The following CLMN variants were observed in gnomAD, a reference collection of about 807,000 sequenced individuals.
The protein encoded by CLMN is calmin (calponin-like, transmembrane).
A neutral mutation model predicts 92.7 loss-of-function variants in CLMN; 57 were observed. The ratio of observed to expected loss-of-function variants is 0.61; its 90% confidence interval spans 0.50 to 0.77. The LOEUF is 0.77. Ranked by LOEUF, CLMN falls within the 30% of genes least tolerant of loss-of-function variation. The pLI, the probability that CLMN is intolerant of heterozygous loss-of-function variation, is 0.00. For synonymous variants in CLMN, 466 were observed against 470.6 expected, an observed-to-expected ratio of 0.99 and a Z score of 0.13; for missense variants, 1,158 against 1,237.5, an observed-to-expected ratio of 0.94 and a Z score of 0.96.
intron 1 of CLMN, among the ~76,000 whole-genome samples, chr14:95,286,090 T>A (rs1900330530): frequency 6.6e-6 from 1 of 152,210 alleles, no homozygotes; most frequent in Non-Finnish European, 1.5e-5. Context: ...CTCTGGCTAT[T>A]TGATATTAAG....
chr14:95,245,937 T>C (rs868424728), intron 1 of CLMN, among the ~76,000 whole-genome samples: 29 of 148,064 alleles, frequency 2.0e-4, no homozygotes, highest in Middle Eastern at 3.4e-3. Flanking sequence ...GATGGATGGA[T>C]GGAAAGCCCA....
At chr14:95,313,025 G>C (rs1901609325) in intron 1 of CLMN, among the ~76,000 whole-genome samples, 1 of 152,162 alleles carries the variant, frequency 6.6e-6, no homozygotes, top group Admixed American at 6.5e-5. Context: ...GGCCAACATG[G>C]TGAAAGCCTG....
intron 8 of CLMN, among the ~76,000 whole-genome samples, chr14:95,205,899 G>A (rs1897033598): frequency 6.6e-6 from 1 of 152,042 alleles, no homozygotes; most frequent in Non-Finnish European, 1.5e-5. Context: ...AAGAAGGAAG[G>A]ACAATGGAGC....
intron 1 of CLMN, among the ~76,000 whole-genome samples, chr14:95,286,562 G>T (rs1228045562): frequency 6.6e-6 from 1 of 152,180 alleles, no homozygotes; most frequent in Non-Finnish European, 1.5e-5. Flanking sequence ...GGTAATGGTT[G>T]TACACTCTGA....
chr14:95,248,337 G>A (rs1179275218), intron 1 of CLMN, among the ~76,000 whole-genome samples: 1 of 152,180 alleles, frequency 6.6e-6, no homozygotes, highest in Non-Finnish European at 1.5e-5. Flanking sequence ...ACCAATGAAT[G>A]TTAAAAACAG....
intron 2 of CLMN, 136 bp downstream of exon 2, chr14:95,229,936 G>A: frequency 1.3e-6 from 1 of 781,352 alleles, no homozygotes; most frequent in Non-Finnish European, 2.1e-6. Flanking sequence ...AACCGGCAGG[G>A]GGAGGCACTT....
Position 95,203,863 on chromosome 14 carries a change from C to G in CLMN, c.1486G>C (p.Val496Leu). Residue 496 changes from valine to leucine, a missense_variant, in exon 9 of 13, where the codon GTG becomes CTG. Val to Leu is a conservative substitution (Grantham distance 32). Coordinates refer to ENST00000298912, the MANE Select transcript of CLMN (RefSeq NM_024734.4). ...TGAGAATTATTGTTTGTGCCCTCCA[C>G]CAAAAAAATGTCACCAGCGACCTTG... ...SDKVAGDIFL[V>L]EGTNNNSQSS... The G allele has an allele frequency of 6.2e-7, 1 of 1,614,090 alleles. No individual in the cohort carries two copies. The highest frequency in any genetic ancestry group is 8.5e-7 in the Non-Finnish European group (1 of 1,179,994).
At chr14:95,245,193 T>C (rs903626654) in intron 1 of CLMN, among the ~76,000 whole-genome samples, 1 of 38,972 alleles carries the variant, frequency 2.6e-5, no homozygotes, top group African/African-American at 1.1e-4. Flanking sequence ...TATATATATA[T>C]AATATATATA....
In CLMN at chr14:95,214,644, G is replaced by A. The variant is rs528317140; in HGVS notation, c.417+997C>T. On this transcript the variant is annotated intron_variant, in intron 5 of 12. Transcript: ENST00000298912. ...TGGGATTATATGCGTGAGCCACTGT[G>A]CCCAGCCCACATGGCTTCTTTTGAT... Among the ~76,000 whole-genome samples, 5 of 152,154 alleles carry A rather than the reference G, an allele frequency of 3.3e-5. No homozygotes were observed. In the South Asian group the frequency reaches 6.2e-4, roughly 19 times the overall value.
rs563598226 is a variant in CLMN, at chr14:95,194,436, C to T, written c.2769+100G>A. 1.7e-5 allele frequency: 27 copies of T among 1,593,658 alleles called. No homozygotes were observed. In the South Asian group the frequency reaches 2.4e-4, roughly 14 times the overall value. ...CTTCTATCCAAAAGTATAGCTGTTG[C>T]ATGCCAGTAATTTCAAAGCTCTGGG... On this transcript the variant is annotated intron_variant, in intron 11 of 12. Coordinates refer to ENST00000298912, the MANE Select transcript of CLMN (RefSeq NM_024734.4). This position sits in a 1 kb window ranked among gnomAD's most constrained non-coding sequence, Gnocchi z 4.0.
At chr14:95,310,295 G>T (rs948063963) in intron 1 of CLMN, among the ~76,000 whole-genome samples, 8 of 152,214 alleles carry the variant, frequency 5.3e-5, no homozygotes, top group African/African-American at 1.9e-4. Context: ...CAAGGTCCCT[G>T]CATTCCTCGG....
intron 1 of CLMN, among the ~76,000 whole-genome samples, chr14:95,249,497 C>G (rs1898698721): frequency 6.6e-6 from 1 of 152,184 alleles, no homozygotes; most frequent in South Asian, 2.1e-4. Flanking sequence ...TCTTGGGAAG[C>G]TAATGGGGTG....
chr14:95,278,832 T>G (rs1014536363), intron 1 of CLMN, among the ~76,000 whole-genome samples: 3 of 152,314 alleles, frequency 2.0e-5, no homozygotes, highest in South Asian at 4.1e-4. Context: ...CTATGGGGGA[T>G]GTGCTGATTC....
intron 1 of CLMN, among the ~76,000 whole-genome samples, chr14:95,279,782 C>CAAAA (rs927418473): frequency 1.3e-5 from 2 of 152,104 alleles, no homozygotes; most frequent in Non-Finnish European, 2.9e-5. Flanking sequence ...GACTCCGTCT[C>CAAAA]AAAAAACAAA....
intron 1 of CLMN, among the ~76,000 whole-genome samples, chr14:95,285,902 A>C (rs1900323392): frequency 6.6e-6 from 1 of 152,182 alleles, no homozygotes; most frequent in African/African-American, 2.4e-5. Context: ...CTTCACTTCA[A>C]AATCCTTCTG....
At position 95,188,233 on chromosome 14, in the gene CLMN, A is replaced by C. The variant is rs1269131426; in HGVS notation, c.*3331T>G. ...CACCATATATTTGAGAAAAATTCAC[A>C]ACGTGAAAGATAGAGACTGAGACCA... On this transcript the variant is annotated 3_prime_UTR_variant, in exon 13 of 13. Transcript: ENST00000298912. 6.6e-6 allele frequency: 1 copy of C among 152,212 alleles called. No individual in the cohort carries two copies. Among genetic ancestry groups the C allele is most frequent in the Non-Finnish European group, 1.5e-5 (1 of 68,034 alleles). 9.4% of individuals were successfully genotyped at this position (152,212 alleles called of 1,614,324 possible). A position where few individuals can be genotyped will look rare whatever the true frequency, so the allele number is the denominator to read the frequency against.
chr14:95,194,976 C>A lies in CLMN; in HGVS notation c.2709-380G>T, dbSNP rs75886558. 1.3e-5 allele frequency among the ~76,000 whole-genome samples: 2 copies of A among 152,212 alleles called. No individual in the cohort carries two copies. The highest frequency in any genetic ancestry group is 4.8e-5 in the African/African-American group (2 of 41,452). ...TCAGACCTGGGCCTAGACCAGGCTGCCCTGACTCTCTCTACCTGCGTCTGA... is the reference window on the plus strand; with the variant it reads ...TCAGACCTGGGCCTAGACCAGGCTGACCTGACTCTCTCTACCTGCGTCTGA... On this transcript the variant is annotated intron_variant, in intron 10 of 12. Transcript: ENST00000298912. The surrounding 1 kb of genome is among the most constrained non-coding windows in gnomAD (Gnocchi z 4.0).
chr14:95,293,830 C>T (rs963614449), intron 1 of CLMN, among the ~76,000 whole-genome samples: 5 of 152,200 alleles, frequency 3.3e-5, no homozygotes, highest in African/African-American at 1.2e-4. Context: ...ATCACACAAA[C>T]CTGCAGTCTC....
intron 1 of CLMN, among the ~76,000 whole-genome samples, chr14:95,257,244 G>C (rs78847060): frequency 0.09 from 13,744 of 152,284 alleles, 644 homozygotes; most frequent in African/African-American, 0.12. Flanking sequence ...CAACGGTCGA[G>C]AGCCTGCTGT....
Sources: allele counts gnomAD v4.1 joint callset (sites outside exome capture counted in the v4.1 genomes callset), GRCh38; gene constraint gnomAD v4.1.1; non-coding constraint Gnocchi (gnomAD v3.1); transcripts MANE v1.5; gene names NCBI Gene and HGNC (gene_info 2026-07-23, HGNC 2026-07-21).